Variants in ZNRF1 observed in about 807,000 individuals in gnomAD.
ZNRF1 encodes the protein E3 ubiquitin-protein ligase ZNRF1.
A neutral mutation model predicts 18.4 loss-of-function variants in ZNRF1; 3 were observed. The ratio of observed to expected loss-of-function variants is 0.16; its 90% CI spans 0.07 to 0.42. The LOEUF (loss-of-function observed/expected upper bound fraction) is 0.42. Ranked by LOEUF, ZNRF1 falls within the 10% of genes least tolerant of loss-of-function variation. ZNRF1 has a pLI of 0.99. For synonymous variants in ZNRF1, 157 were observed against 144.2 expected, an observed-to-expected ratio of 1.09 and a Z score of -0.64; for missense variants, 310 against 329.8, an observed-to-expected ratio of 0.94 and a Z score of 0.47.
intron 1 of ZNRF1, among the ~76,000 whole-genome samples, chr16:75,006,032 G>A (rs763991340): frequency 3.4e-4 from 52 of 152,302 alleles, no homozygotes; most frequent in Non-Finnish European, 5.6e-4. Flanking sequence ...TAATACAGTT[G>A]TAAGTATTTG....
intron 1 of ZNRF1, among the ~76,000 whole-genome samples, chr16:75,022,284 C>T (rs1327882693): frequency 2.0e-5 from 3 of 150,084 alleles, no homozygotes; most frequent in South Asian, 2.1e-4. Flanking sequence ...AATTAATTGG[C>T]TGAGCGAGGT....
chr16:75,060,999 T>TA (rs1369897318), intron 1 of ZNRF1, among the ~76,000 whole-genome samples: 2 of 151,918 alleles, frequency 1.3e-5, no homozygotes, highest in Non-Finnish European at 2.9e-5. Flanking sequence ...AAGCTCTGAT[T>TA]AAAAAAAATA....
chr16:75,045,464 G>A (rs1023912609), intron 1 of ZNRF1, among the ~76,000 whole-genome samples: 4 of 152,172 alleles, frequency 2.6e-5, no homozygotes, highest in African/African-American at 9.7e-5. Flanking sequence ...AGTGCAAATT[G>A]TGCTGGGTGC....
intron 1 of ZNRF1, among the ~76,000 whole-genome samples, chr16:75,036,747 A>T (rs2035380711): frequency 6.6e-6 from 1 of 152,160 alleles, no homozygotes; most frequent in African/African-American, 2.4e-5. Context: ...AACTGGGTAA[A>T]GATTTGTCCA....
chr16:75,040,803 TC>T lies in ZNRF1; in HGVS notation c.424+40709del, dbSNP rs548622358. 2.2e-4 allele frequency among the ~76,000 whole-genome samples: 34 copies of T among 151,830 alleles called. No individual in the cohort carries two copies. In the South Asian group the frequency reaches 2.9e-3, roughly 13 times the overall value. ...TTGTATTTTTAGTAGAGATGGGGTT[TC>T]ATCACGTTGGCCAGGCTGGTCTCGA... On this transcript the variant is annotated intron_variant, in intron 1 of 4. Coordinates refer to ENST00000335325, the MANE Select transcript of ZNRF1 (RefSeq NM_032268.5).
chr16:75,050,711 A>C (rs1156497296), intron 1 of ZNRF1, among the ~76,000 whole-genome samples: 2 of 151,208 alleles, frequency 1.3e-5, no homozygotes, highest in Non-Finnish European at 2.9e-5. Flanking sequence ...TACTAAAAAA[A>C]TACAGAAAAA....
intron 1 of ZNRF1, among the ~76,000 whole-genome samples, chr16:75,046,427 T>G (rs1284294085): frequency 6.6e-6 from 1 of 150,666 alleles, no homozygotes; most frequent in African/African-American, 2.5e-5. Flanking sequence ...AAGTTTTGTA[T>G]TTTTAGTGGA....
chr16:75,079,474 G>A (rs1310325384), intron 1 of ZNRF1, among the ~76,000 whole-genome samples: 2 of 152,048 alleles, frequency 1.3e-5, no homozygotes, highest in East Asian at 1.9e-4. Flanking sequence ...GCAAGAGTCC[G>A]TCTCAAAAAC....
Position 75,108,313 on chromosome 16 carries a change from A to G in ZNRF1, c.*613A>G, listed in dbSNP as rs749099174. On this transcript the variant is annotated 3_prime_UTR_variant, in exon 5 of 5. Transcript: ENST00000335325. ...TGACTTCATTGCCAAAAAACAACCC[A>G]TTGAGAACTTTCTTCCTACTGATCC... 22 of 346,442 alleles carry G rather than the reference A, an allele frequency of 6.4e-5. No individual in the cohort carries two copies. Among genetic ancestry groups the G allele is most frequent in the Non-Finnish European group, 9.7e-5 (19 of 195,592 alleles). 21.5% of individuals were successfully genotyped at this position (346,442 alleles called of 1,614,324 possible). A position where few individuals can be genotyped will look rare whatever the true frequency, so the allele number is the denominator to read the frequency against.
At chr16:75,091,839 G>A (rs1374948768) in intron 1 of ZNRF1, among the ~76,000 whole-genome samples, 2 of 152,012 alleles carry the variant, frequency 1.3e-5, no homozygotes, top group African/African-American at 4.8e-5. Context: ...ACCCAGCCCT[G>A]TGGATAACTT....
chr16:75,083,335 A>G (rs2036037271), intron 1 of ZNRF1, among the ~76,000 whole-genome samples: 1 of 152,246 alleles, frequency 6.6e-6, no homozygotes, highest in African/African-American at 2.4e-5. Context: ...CTACTTGAAT[A>G]TTACTAAGTA....
intron 1 of ZNRF1, among the ~76,000 whole-genome samples, chr16:75,074,697 A>G (rs1389980669): frequency 6.6e-6 from 1 of 152,108 alleles, no homozygotes. Context: ...TGATTTGATC[A>G]TTGTTGAAGC....
intron 1 of ZNRF1, among the ~76,000 whole-genome samples, chr16:75,028,362 C>G (rs550296714): frequency 6.6e-6 from 1 of 152,170 alleles, no homozygotes; most frequent in Admixed American, 6.5e-5. Context: ...GGCGTGATGT[C>G]GGCTCACTGC....
chr16:75,021,292 G>A (rs2035144367), intron 1 of ZNRF1, among the ~76,000 whole-genome samples: 1 of 152,246 alleles, frequency 6.6e-6, no homozygotes, highest in African/African-American at 2.4e-5. Context: ...ATCTGCCTCG[G>A]CCTCCCACGA....
intron 1 of ZNRF1, among the ~76,000 whole-genome samples, chr16:75,066,064 A>G (rs998488194): frequency 3.3e-5 from 5 of 152,230 alleles, no homozygotes; most frequent in African/African-American, 1.2e-4. Flanking sequence ...CTTTGCAGCT[A>G]GGCTCCAAAC....
At chr16:75,100,090 C>T (rs1879838255) in intron 2 of ZNRF1, among the ~76,000 whole-genome samples, 1 of 152,196 alleles carries the variant, frequency 6.6e-6, no homozygotes, top group African/African-American at 2.4e-5. Flanking sequence ...AAGACCCTGA[C>T]TCCTTCCTAT....
chr16:75,079,683 A>G (rs1353244547), intron 1 of ZNRF1, among the ~76,000 whole-genome samples: 1 of 152,126 alleles, frequency 6.6e-6, no homozygotes, highest in East Asian at 1.9e-4. Flanking sequence ...GAACAACTCC[A>G]TTCTACTCTT....
intron 2 of ZNRF1, among the ~76,000 whole-genome samples, chr16:75,099,142 C>T (rs1032705702): frequency 1.2e-4 from 19 of 152,170 alleles, no homozygotes; most frequent in African/African-American, 4.3e-4. Flanking sequence ...GGGGCCAGGT[C>T]GCTGGGTGGC....
intron 1 of ZNRF1, among the ~76,000 whole-genome samples, chr16:75,082,879 T>C (rs191765533): frequency 2.0e-5 from 3 of 152,238 alleles, no homozygotes; most frequent in East Asian, 1.9e-4. Context: ...GGGTCTATTA[T>C]TGGAATTCAG....
Sources: gnomAD v4.1 joint callset for allele counts (sites outside exome capture counted in the v4.1 genomes callset) on GRCh38, gnomAD v4.1.1 for gene constraint, MANE v1.5 for transcripts, NCBI Gene and HGNC (gene_info 2026-07-23, HGNC 2026-07-21) for gene names.